TASOR: variants seen among roughly 807,000 people sequenced by gnomAD.
TASOR encodes protein TASOR.
A neutral mutation model predicts 178.6 loss-of-function variants in TASOR; 53 were observed. The ratio of observed to expected loss-of-function variants is 0.30; its 90% CI spans 0.24 to 0.37. TASOR has a LOEUF of 0.37. Ranked by LOEUF, TASOR falls within the 10% of genes least tolerant of loss-of-function variation. TASOR has a pLI of 1.00. For synonymous variants in TASOR, 713 were observed against 696.2 expected (o/e 1.02, Z -0.38); for missense variants, 1,815 against 1,971.4 (o/e 0.92, Z 1.50).
chr3:56,635,766 C>T (rs2077003816), intron 17 of TASOR, among the ~76,000 whole-genome samples: 1 of 152,102 alleles, frequency 6.6e-6, no homozygotes, highest in Non-Finnish European at 1.5e-5. Context: ...CATACCACCA[C>T]ACCCAGCTAT....
Position 56,682,732 on chromosome 3 carries a change from G to T in TASOR, c.275C>A (p.Pro92His). Residue 92 changes from proline (P) to histidine (H), a missense_variant, in exon 1 of 24, where the codon CCC becomes CAC. Pro to His is a moderately conservative substitution (Grantham distance 77). Around this residue, in one of 5 missense-constraint regions of TASOR, gnomAD observed 244 missense variants for 202.7 expected, o/e 1.20. Transcript: ENST00000683822. ...AAALPRGPEE[P>H]ERPVRRSFQI... ...AAAACTCCTCCTAACAGGCCTTTCG[G>T]GCTCTTCGGGGCCTCTGGGCAGGGC... is the stretch of plus-strand genomic sequence containing the variant. The T allele has an allele frequency of 6.6e-7, 1 of 1,510,776 alleles. No individual in the cohort carries two copies. Among genetic ancestry groups the T allele is most frequent in the Non-Finnish European group, 8.9e-7 (1 of 1,128,294 alleles). The allele number at this position is 1,510,776 out of a possible 1,614,324, so 93.6% of individuals were successfully genotyped here. A position where few individuals can be genotyped will look rare whatever the true frequency, so the allele number is the denominator to read the frequency against.
rs751515469 is a variant in TASOR at position 56,624,505 on chromosome 3, G to A, written c.4457C>T (p.Ala1486Val). ...TGACTGCGACTCAAGATTCTCATTA[G>A]CACCAAGCTGTGGAAGGTTTTCTTC... ...ITEENLPQLG[A>V]NENLESQSAL... Residue 1486 changes from alanine (A) to valine (V), a missense_variant, in exon 23 of 24, where the codon GCT becomes GTT. This residue lies in a region of TASOR where 278 missense variants were observed against 257.1 expected (regional missense o/e 1.08). Transcript: ENST00000683822. The A allele has an allele frequency of 6.2e-7, 1 of 1,613,884 alleles. No individual in the cohort carries two copies. The highest frequency in any genetic ancestry group is 2.2e-5 in the East Asian group (1 of 44,870).
rs1020907599 is a variant in TASOR at position 56,652,652 on chromosome 3, T to G, written c.1369-3595A>C. ...AGGCAAAGAATACCGGAATATAATG[T>G]GCACCTCCTAGAACTCTGCCTGGCG... On this transcript the variant is annotated intron_variant, in intron 11 of 23. Transcript: ENST00000683822. Among the ~76,000 whole-genome samples, 7 of 152,286 alleles carry G rather than the reference T, an allele frequency of 4.6e-5. 1 individual carries two copies. The highest frequency in any genetic ancestry group is 1.3e-4 in the Admixed American group (2 of 15,288).
rs998465861 is a variant in TASOR, at chr3:56,630,754, A to G, written c.3748-2140T>C. On this transcript the variant is annotated intron_variant, in intron 18 of 23. Coordinates refer to ENST00000683822, the MANE Select transcript of TASOR (RefSeq NM_001365635.2). ...CAGCTATTTGGGAGGATGAGGCAGG[A>G]GAATTGCTTGACCCCAGAAGGCGGA... is the stretch of plus-strand genomic sequence containing the variant. Among the ~76,000 whole-genome samples, 7 of 152,324 alleles carry G rather than the reference A, an allele frequency of 4.6e-5. 1 individual carries two copies. Among genetic ancestry groups the G allele is most frequent in the Admixed American group, 1.3e-4 (2 of 15,308 alleles).
chr3:56,650,066 G>A (rs1011152086), intron 11 of TASOR, among the ~76,000 whole-genome samples: 2 of 152,178 alleles, frequency 1.3e-5, no homozygotes, highest in Non-Finnish European at 2.9e-5. Flanking sequence ...AGTGCAGGAC[G>A]CAGAAAAACA....
At chr3:56,645,200 G>A (rs2077210828) in intron 14 of TASOR, among the ~76,000 whole-genome samples, 1 of 152,198 alleles carries the variant, frequency 6.6e-6, no homozygotes, top group African/African-American at 2.4e-5. Flanking sequence ...TTTGAACCAG[G>A]TAGGCAGAGG....
chr3:56,669,317 C>A (rs1241821341), intron 5 of TASOR, among the ~76,000 whole-genome samples: 1 of 152,082 alleles, frequency 6.6e-6, no homozygotes, highest in Non-Finnish European at 1.5e-5. Flanking sequence ...TCCTGGCTAA[C>A]ACGGTGAAAA....
rs1218293260 is a variant in TASOR, at chr3:56,620,443, CCTTG to C, written c.*2590_*2593del. ...AACATCCTTACACCTTTGCTCCATC[CCTTG>C]GGCTTTAAAAAGAATGGCTGTAGTT... On this transcript the variant is annotated 3_prime_UTR_variant, in exon 24 of 24. Transcript: ENST00000683822. The C allele has an allele frequency of 2.6e-5, 4 of 152,400 alleles. No homozygotes were observed. The highest frequency in any genetic ancestry group is 9.7e-5 in the African/African-American group (4 of 41,430). The allele number at this position is 152,400 out of a possible 1,614,324, so 9.4% of individuals were successfully genotyped here.
At position 56,623,118 on chromosome 3, in the gene TASOR, T is replaced by C. The variant is rs1365120490; in HGVS notation, c.4932A>G (p.Glu1644=). The C allele has an allele frequency of 6.2e-7, 1 of 1,612,968 alleles. No homozygotes were observed. Among genetic ancestry groups the C allele is most frequent in the Non-Finnish European group, 8.5e-7 (1 of 1,179,572 alleles). The change falls in exon 24 of 24, where the codon GAA becomes GAG. Residue 1644 remains glutamate (E), a synonymous_variant. Transcript: ENST00000683822. ...GTGGAGATTTATCTCTATCCAAGCT[T>C]TCAGTATAAGCAGATAAGAAGTAAT... ...NENYFLSAYT[E]SLDRDKSPPP...
chr3:56,658,132 T>C (rs1483901058), intron 11 of TASOR, among the ~76,000 whole-genome samples: 1 of 152,250 alleles, frequency 6.6e-6, no homozygotes. Flanking sequence ...AAAGTAGCTA[T>C]AGACGGAATA....
chr3:56,628,785 C>T (rs1038831517), intron 18 of TASOR, 171 bp from the exon 19 acceptor site: 5 of 473,292 alleles, frequency 1.1e-5, no homozygotes, highest in Admixed American at 4.0e-5. Context: ...TTCTTTGAGA[C>T]AGGGTCTCAC....
chr3:56,648,092 A>T (rs960551450), intron 13 of TASOR, among the ~76,000 whole-genome samples: 1 of 152,104 alleles, frequency 6.6e-6, no homozygotes, highest in African/African-American at 2.4e-5. Flanking sequence ...TGTAATCCCA[A>T]GCTACTCAAG....
Position 56,662,441 on chromosome 3 carries a change from T to C in TASOR, c.1104A>G (p.Lys368=). 1 of 1,547,224 alleles carries C rather than the reference T, an allele frequency of 6.5e-7. No individual in the cohort carries two copies. Among genetic ancestry groups the C allele is most frequent in the Non-Finnish European group, 8.7e-7 (1 of 1,144,912 alleles). ...LWKGQLLNKG[K]LLCYISLRSA... is the part of the protein sequence containing the mutation. Reference sequence around the variant, plus strand: ...ACCTCAGAGAAATATAACACAAAAGTTTTCCTTTATTTAAAAGCTGTCCTT... The same window carrying C: ...ACCTCAGAGAAATATAACACAAAAGCTTTCCTTTATTTAAAAGCTGTCCTT... The change falls in exon 9 of 24, where the codon AAA becomes AAG. Residue 368 remains lysine (K), a synonymous_variant. Transcript: ENST00000683822.
At chr3:56,643,084 T>C (rs1207320401) in intron 14 of TASOR, among the ~76,000 whole-genome samples, 1 of 151,734 alleles carries the variant, frequency 6.6e-6, no homozygotes, top group Non-Finnish European at 1.5e-5. Context: ...GCCAACATGG[T>C]GAAACCCTGT....
chr3:56,649,162 T>C (rs2077298287), intron 11 of TASOR, 105 bp from the exon 12 acceptor site: 1 of 741,830 alleles, frequency 1.3e-6, no homozygotes, highest in East Asian at 3.0e-5. Flanking sequence ...AAGTTCTTAA[T>C]CATCTTTTAA....
In TASOR at chr3:56,682,737, T is replaced by G; in HGVS notation, c.270A>C (p.Glu90Asp). ...AGAAALPRGPEEPERPVRRSF... is the reference protein window; with the variant it reads ...AGAAALPRGPDEPERPVRRSF... ...TCCTCCTAACAGGCCTTTCGGGCTC[T>G]TCGGGGCCTCTGGGCAGGGCGGCCG... Residue 90 changes from glutamate (E) to aspartate (D), a missense_variant, in exon 1 of 24, where the codon GAA becomes GAC. By Grantham distance (45) the Glu-to-Asp change is conservative (BLOSUM62 2). Around this residue, in one of 5 missense-constraint regions of TASOR, gnomAD observed 244 missense variants for 202.7 expected, o/e 1.20. Transcript: ENST00000683822. 1.3e-6 allele frequency: 2 copies of G among 1,522,672 alleles called. No individual in the cohort carries two copies. Among genetic ancestry groups the G allele is most frequent in the Non-Finnish European group, 1.8e-6 (2 of 1,133,094 alleles). The allele number at this position is 1,522,672 out of a possible 1,614,324, so 94.3% of individuals were successfully genotyped here.
intron 20 of TASOR, 65 bp downstream of exon 20, chr3:56,627,517 G>A (rs2076824582): frequency 1.3e-6 from 2 of 1,521,596 alleles, no homozygotes. Context: ...AGAATAAATG[G>A]ACAGTACATT....
In TASOR at chr3:56,623,186, T is replaced by C. The variant is rs1188123374; in HGVS notation, c.4864A>G (p.Thr1622Ala). The C allele has an allele frequency of 2.5e-6, 4 of 1,613,738 alleles. No homozygotes were observed. The Admixed American group carries it at 6.7e-5, about 27-fold the overall frequency. ...TGACTTGATGAAAGGGCATATGGTGTCCCCAAAAATGTCTGATGAGTGAGA... is the reference window on the plus strand; with the variant it reads ...TGACTTGATGAAAGGGCATATGGTGCCCCCAAAAATGTCTGATGAGTGAGA... ...NVLTHQTFLG[T>A]PYALSSSQSQ... Residue 1622 changes from threonine to alanine, a missense_variant, in exon 24 of 24, where the codon ACA becomes GCA. By Grantham distance (58) the Thr-to-Ala change is moderately conservative. Transcript: ENST00000683822.
chr3:56,670,963 G>C (rs1284951652), intron 3 of TASOR, among the ~76,000 whole-genome samples: 16 of 109,470 alleles, frequency 1.5e-4, no homozygotes, highest in African/African-American at 5.6e-4. Flanking sequence ...AAAAAAAAAA[G>C]GAAAAATGGT....
Sources: allele counts gnomAD v4.1 joint callset (sites outside exome capture counted in the v4.1 genomes callset), GRCh38; gene constraint gnomAD v4.1.1; regional missense constraint gnomAD v4.1.1; transcripts MANE v1.5; gene names NCBI Gene and HGNC (gene_info 2026-07-23, HGNC 2026-07-21).